The following FRMD4B variants were observed in gnomAD, a reference collection of about 807,000 sequenced individuals.
FRMD4B encodes the protein FERM domain-containing protein 4B.
A neutral mutation model predicts 141.5 loss-of-function variants in FRMD4B; 74 were observed. That is an observed-to-expected ratio of 0.52 (90% CI 0.43 to 0.63). The LOEUF (loss-of-function observed/expected upper bound fraction) is 0.63, where lower values mean the gene tolerates loss of function less well. FRMD4B is among the 30% of genes least tolerant of loss of function. The pLI is 0.00. For synonymous variants in FRMD4B, 506 were observed against 467.9 expected (o/e 1.08, Z -1.05); for missense variants, 1,366 against 1,253.4 (o/e 1.09, Z -1.36).
chr3:69,259,886 T>G (rs2093515128), intron 5 of FRMD4B, among the ~76,000 whole-genome samples: 1 of 152,218 alleles, frequency 6.6e-6, no homozygotes, highest in African/African-American at 2.4e-5. Context: ...CAAATTCATG[T>G]GCTCAAGAGA....
chr3:69,365,013 A>T (rs575666058), intron 1 of FRMD4B, among the ~76,000 whole-genome samples: 2 of 152,364 alleles, frequency 1.3e-5, no homozygotes, highest in East Asian at 3.9e-4. Flanking sequence ...ACCGAATAGT[A>T]TAGTGATTAT....
At chr3:69,253,657 CTATTT>C (rs1192329147) in intron 5 of FRMD4B, among the ~76,000 whole-genome samples, 1 of 149,384 alleles carries the variant, frequency 6.7e-6, no homozygotes, top group Non-Finnish European at 1.5e-5. Context: ...TGCTAATTAT[CTATTT>C]TAAGTAGAAG....
At chr3:69,311,479 C>T (rs1382639577) in intron 2 of FRMD4B, 122 bp from the exon 3 acceptor site, 2 of 595,186 alleles carry the variant, frequency 3.4e-6, no homozygotes, top group East Asian at 2.8e-5. Flanking sequence ...TTATTACTTG[C>T]CCTTGTTTGT....
At chr3:69,518,550 T>C (rs1406799171) in intron 1 of FRMD4B, among the ~76,000 whole-genome samples, 2 of 152,210 alleles carry the variant, frequency 1.3e-5, no homozygotes, top group African/African-American at 4.8e-5. Flanking sequence ...ATTCTATTTC[T>C]ACTATCCTTT....
chr3:69,434,227 A>G (rs9814003), intron 1 of FRMD4B, among the ~76,000 whole-genome samples: 49,636 of 152,140 alleles, frequency 0.33, 8,231 homozygotes, highest in African/African-American at 0.36. Flanking sequence ...ACAAAGGCAG[A>G]AAAAAGAGAA....
intron 1 of FRMD4B, among the ~76,000 whole-genome samples, chr3:69,467,801 T>C (rs964653581): frequency 5.9e-5 from 9 of 152,182 alleles, no homozygotes; most frequent in African/African-American, 2.2e-4. Flanking sequence ...ACAGAATCCA[T>C]GCTAGGTAAA....
chr3:69,434,282 A>C (rs1027168197), intron 1 of FRMD4B, among the ~76,000 whole-genome samples: 1 of 152,236 alleles, frequency 6.6e-6, no homozygotes, highest in Non-Finnish European at 1.5e-5. Flanking sequence ...ACTATTTGTT[A>C]AGTGTCCAAC....
rs534139858 is a variant in FRMD4B at position 69,307,250 on chromosome 3, G to A, written c.323+4013C>T. On this transcript the variant is annotated intron_variant, in intron 3 of 22. Coordinates refer to ENST00000398540, the MANE Select transcript of FRMD4B (RefSeq NM_015123.3). ...GAGGTAACTGGGAAAAAGGCTGTGT[G>A]AACCATTCTTCTCCCAGCGTAGTTT... 2.0e-5 allele frequency among the ~76,000 whole-genome samples: 3 copies of A among 152,258 alleles called. No individual in the cohort carries two copies. In the South Asian group the frequency reaches 6.2e-4, roughly 32 times the overall value.
At chr3:69,447,028 C>A (rs371480854) in intron 1 of FRMD4B, among the ~76,000 whole-genome samples, 149 of 152,142 alleles carry the variant, frequency 9.8e-4, no homozygotes, top group Middle Eastern at 3.4e-3. Flanking sequence ...TGCTGAGATA[C>A]TCTGTGTTCT....
intron 22 of FRMD4B, among the ~76,000 whole-genome samples, 153 bp from the exon 23 acceptor site, chr3:69,172,134 G>A (rs115571140): frequency 6.6e-6 from 1 of 152,298 alleles, no homozygotes; most frequent in African/African-American, 2.4e-5. Flanking sequence ...GTGACTGCAT[G>A]TTCTTTCAAT....
chr3:69,487,444 T>A (rs954619907), intron 1 of FRMD4B, among the ~76,000 whole-genome samples: 1 of 152,180 alleles, frequency 6.6e-6, no homozygotes, highest in Admixed American at 6.5e-5. Context: ...GATTGGGTTT[T>A]CCAATAAAAC....
intron 11 of FRMD4B, among the ~76,000 whole-genome samples, chr3:69,215,499 G>A (rs2093132163): frequency 6.6e-6 from 1 of 150,982 alleles, no homozygotes; most frequent in Non-Finnish European, 1.5e-5. Flanking sequence ...CACCTTGTTG[G>A]CCAGGCTGGT....
At chr3:69,469,104 T>C (rs1236996144) in intron 1 of FRMD4B, among the ~76,000 whole-genome samples, 2 of 152,128 alleles carry the variant, frequency 1.3e-5, no homozygotes, top group Non-Finnish European at 2.9e-5. Flanking sequence ...CATAAATTAA[T>C]CTCACACATC....
intron 1 of FRMD4B, among the ~76,000 whole-genome samples, chr3:69,510,492 C>T (rs146254316): frequency 5.3e-5 from 8 of 152,254 alleles, no homozygotes; most frequent in South Asian, 4.1e-4. Context: ...AGACGAAGTT[C>T]GGGTGTTTCT....
intron 1 of FRMD4B, among the ~76,000 whole-genome samples, chr3:69,452,476 T>C (rs952447017): frequency 6.6e-6 from 1 of 152,272 alleles, no homozygotes; most frequent in Non-Finnish European, 1.5e-5. Flanking sequence ...AAGCTAATAA[T>C]TTCTACCCTG....
chr3:69,450,545 G>C (rs1705479052), intron 1 of FRMD4B, among the ~76,000 whole-genome samples: 1 of 152,212 alleles, frequency 6.6e-6, no homozygotes, highest in Non-Finnish European at 1.5e-5. Context: ...CTGAGGTCAG[G>C]AGTTCAAGAC....
chr3:69,310,439 C>T (rs1012625517), intron 3 of FRMD4B: 1 of 456,252 alleles, frequency 2.2e-6, no homozygotes, highest in Non-Finnish European at 4.4e-6. Flanking sequence ...ATTTAAGGAG[C>T]TCTTTGGAAA....
chr3:69,454,101 T>A (rs992090281), intron 1 of FRMD4B, among the ~76,000 whole-genome samples: 1 of 152,186 alleles, frequency 6.6e-6, no homozygotes, highest in Non-Finnish European at 1.5e-5. Flanking sequence ...CAGAACACAT[T>A]CTCCTGCTGT....
intron 16 of FRMD4B, among the ~76,000 whole-genome samples, chr3:69,194,699 A>C (rs563778605): frequency 3.3e-5 from 5 of 152,340 alleles, no homozygotes; most frequent in Admixed American, 1.3e-4. Context: ...TAGAGAGGCT[A>C]AACTATTTGA....
Sources: allele counts gnomAD v4.1 joint callset (sites outside exome capture counted in the v4.1 genomes callset), GRCh38; gene constraint gnomAD v4.1.1; transcripts MANE v1.5; gene names NCBI Gene and HGNC (gene_info 2026-07-23, HGNC 2026-07-21).